The following RFX3 variants were observed in gnomAD, a reference collection of about 807,000 sequenced individuals.
The protein encoded by RFX3 is regulatory factor X3, also known as transcription factor RFX3.
Under a neutral mutation model 98.6 loss-of-function variants are expected in RFX3, and 14 were observed. That is an observed-to-expected ratio of 0.14 (90% CI 0.09 to 0.22). The LOEUF (loss-of-function observed/expected upper bound fraction) is 0.22, where lower values mean the gene tolerates loss of function less well. RFX3 is among the 10% of genes least tolerant of loss of function. RFX3 has a pLI of 1.00. For missense variants in RFX3, 639 were observed against 926.9 expected, an observed-to-expected ratio of 0.69 and a Z score of 4.03; for synonymous variants, 383 against 328.4, an observed-to-expected ratio of 1.17 and a Z score of -1.80.
At chr9:3,389,407 A>G (rs1194242533) in intron 2 of RFX3, among the ~76,000 whole-genome samples, 1 of 152,138 alleles carries the variant, frequency 6.6e-6, no homozygotes, top group Non-Finnish European at 1.5e-5. Flanking sequence ...AGATGATAGG[A>G]TGGGTAATAT....
Position 3,263,213 on chromosome 9 carries a change from G to C in RFX3, c.1456-129C>G, listed in dbSNP as rs956343110. On this transcript the variant is annotated intron_variant, in intron 12 of 16. Transcript: ENST00000617270. Reference sequence around the variant, plus strand: ...CTGACACTTATTTAAAATTCATTTGGTGAGAGAGTTTACTTGTAAATTACA... The same window carrying C: ...CTGACACTTATTTAAAATTCATTTGCTGAGAGAGTTTACTTGTAAATTACA... 11 of 955,474 alleles carry C rather than the reference G, an allele frequency of 1.2e-5. No individual in the cohort carries two copies. In the African/African-American group the frequency reaches 1.2e-4, roughly 10 times the overall value. The allele number at this position is 955,474 out of a possible 1,614,324, so 59.2% of individuals were successfully genotyped here.
At chr9:3,517,172 C>G (rs1259675412) in intron 1 of RFX3, among the ~76,000 whole-genome samples, 1 of 152,140 alleles carries the variant, frequency 6.6e-6, no homozygotes, top group Non-Finnish European at 1.5e-5. Flanking sequence ...AATCTTGCTA[C>G]AGAATCATAG....
At chr9:3,472,732 G>A (rs895106973) in intron 1 of RFX3, among the ~76,000 whole-genome samples, 2 of 152,172 alleles carry the variant, frequency 1.3e-5, no homozygotes, top group Non-Finnish European at 1.5e-5. Context: ...GAGTTACTGT[G>A]TCAGTGAAGA....
At chr9:3,280,047 T>G (rs1048998336) in intron 7 of RFX3, among the ~76,000 whole-genome samples, 3 of 151,680 alleles carry the variant, frequency 2.0e-5, no homozygotes, top group Admixed American at 6.6e-5. Context: ...TATCAGAACT[T>G]GGAAATGAGT....
chr9:3,484,274 G>A (rs1850060658), intron 1 of RFX3, among the ~76,000 whole-genome samples: 1 of 152,148 alleles, frequency 6.6e-6, no homozygotes, highest in South Asian at 2.1e-4. Flanking sequence ...AATTAAATGA[G>A]TTCATATAAG....
In RFX3 at chr9:3,226,539, G is replaced by A. The variant is rs146472344; in HGVS notation, c.2012-1259C>T. Reference sequence around the variant, plus strand: ...TGCATTACCTAGAAATGTGTGTCACGCATTAGTGACCAATAAAACAAAGAA... The same window carrying A: ...TGCATTACCTAGAAATGTGTGTCACACATTAGTGACCAATAAAACAAAGAA... On this transcript the variant is annotated intron_variant, in intron 16 of 16. Transcript: ENST00000617270. Among the ~76,000 whole-genome samples the A allele has an allele frequency of 9.9e-3, 1,511 of 152,244 alleles. 9 individuals carry two copies. The highest frequency in any genetic ancestry group is 0.014 in the African/African-American group (591 of 41,544).
intron 4 of RFX3, among the ~76,000 whole-genome samples, chr9:3,315,654 A>G (rs1290685067): frequency 1.3e-5 from 2 of 152,186 alleles, no homozygotes; most frequent in African/African-American, 4.8e-5. Context: ...GAAAAGAGAC[A>G]AGAATCAGAT....
chr9:3,308,107 A>T lies in RFX3; in HGVS notation c.475-6487T>A, dbSNP rs553115261. On this transcript the variant is annotated intron_variant, in intron 4 of 16. Coordinates refer to ENST00000617270, the MANE Select transcript of RFX3 (RefSeq NM_001282116.2). ...AAATCAATTCTCTGAACTAAGATAC[A>T]CTGCCTATATGTAATCTATTAAATG... Among the ~76,000 whole-genome samples the T allele has an allele frequency of 1.1e-4, 16 of 152,248 alleles. No individual in the cohort carries two copies. The East Asian group carries it at 2.9e-3, about 28-fold the overall frequency.
At chr9:3,499,313 A>T (rs1815721215) in intron 1 of RFX3, among the ~76,000 whole-genome samples, 1 of 152,104 alleles carries the variant, frequency 6.6e-6, no homozygotes. Flanking sequence ...CCCAGAAATC[A>T]TGAAGTTGGT....
intron 1 of RFX3, among the ~76,000 whole-genome samples, chr9:3,406,452 A>G (rs1841982597): frequency 6.6e-6 from 1 of 151,958 alleles, no homozygotes; most frequent in Non-Finnish European, 1.5e-5. Flanking sequence ...TGGTATTCCT[A>G]TAGCATACTA....
At chr9:3,248,941 A>G (rs1363308643) in intron 14 of RFX3, among the ~76,000 whole-genome samples, 2 of 152,198 alleles carry the variant, frequency 1.3e-5, no homozygotes, top group African/African-American at 4.8e-5. Context: ...AATGAGTCCA[A>G]AATAAAATCT....
intron 3 of RFX3, among the ~76,000 whole-genome samples, chr9:3,333,291 TTTACAATATATATTTTAGTAA>T (rs1832799641): frequency 6.6e-6 from 1 of 152,174 alleles, no homozygotes; most frequent in Admixed American, 6.5e-5. Flanking sequence ...ATACTTGTAA[TTTACAATATATATTTTAGTAA>T]AGTAATAAGA....
intron 2 of RFX3, among the ~76,000 whole-genome samples, chr9:3,366,699 T>TTTCTTTCTTTC (rs1563993692): frequency 2.0e-5 from 2 of 98,428 alleles, no homozygotes; most frequent in Non-Finnish European, 4.2e-5. Context: ...CTTTCCTTTC[T>TTTCTTTCTTTC]TTCTTTCTTT....
chr9:3,316,875 A>C (rs539177006), intron 4 of RFX3, among the ~76,000 whole-genome samples: 1 of 152,352 alleles, frequency 6.6e-6, no homozygotes, highest in East Asian at 1.9e-4. Context: ...AAGAAGACAC[A>C]AATAAATGGA....
intron 2 of RFX3, among the ~76,000 whole-genome samples, chr9:3,351,289 CT>C (rs1052782426): frequency 3.3e-5 from 5 of 151,594 alleles, no homozygotes; most frequent in East Asian, 1.9e-4. Flanking sequence ...AAACTAAAAT[CT>C]TTTTTTTAAA....
At chr9:3,396,317 T>G (rs1668224664) in intron 1 of RFX3, among the ~76,000 whole-genome samples, 1 of 152,144 alleles carries the variant, frequency 6.6e-6, no homozygotes, top group African/African-American at 2.4e-5. Flanking sequence ...TGCAATAGTT[T>G]GCTGAGAATG....
At chr9:3,235,584 G>C (rs1330440136) in intron 15 of RFX3, among the ~76,000 whole-genome samples, 9 of 152,168 alleles carry the variant, frequency 5.9e-5, no homozygotes, top group Admixed American at 3.3e-4. Flanking sequence ...TGGCAGAGTT[G>C]TGGTTCTTTC....
intron 14 of RFX3, 61 bp from the exon 15 acceptor site, chr9:3,248,246 C>A: frequency 1.3e-6 from 2 of 1,492,380 alleles, no homozygotes; most frequent in South Asian, 1.4e-5. Context: ...AGCATTCTAC[C>A]TATTTTTCCT....
At position 3,293,123 on chromosome 9, in the gene RFX3, T is replaced by C; in HGVS notation, c.685A>G (p.Ile229Val). Reference protein sequence around the residue: ...PVNAASFGKLIRSIFMGLRTR... With the variant: ...PVNAASFGKLVRSIFMGLRTR... Reference sequence around the variant, plus strand: ...CGTAGCCCCATAAAAATTGATCTTATTAATTTTCCAAAAGAGGCAGCATTG... The same window carrying C: ...CGTAGCCCCATAAAAATTGATCTTACTAATTTTCCAAAAGAGGCAGCATTG... The change falls in exon 6 of 17, where the codon ATA becomes GTA. Residue 229 changes from isoleucine to valine, a missense_variant. Physicochemically the swap from Ile to Val is conservative, Grantham distance 29 (BLOSUM62 3). This residue lies in a region of RFX3 where 24 missense variants were observed against 74.5 expected (regional missense o/e 0.32). Transcript: ENST00000617270. 1 of 1,613,650 alleles carries C rather than the reference T, an allele frequency of 6.2e-7. No individual in the cohort carries two copies. The highest frequency in any genetic ancestry group is 2.2e-5 in the East Asian group (1 of 44,836).
Sources: allele counts gnomAD v4.1 joint callset (sites outside exome capture counted in the v4.1 genomes callset), GRCh38; gene constraint gnomAD v4.1.1; regional missense constraint gnomAD v4.1.1; transcripts MANE v1.5; gene names NCBI Gene and HGNC (gene_info 2026-07-23, HGNC 2026-07-21).